Variants in CFAP77 observed in about 807,000 individuals in gnomAD.
CFAP77 encodes cilia and flagella associated protein 77, also known as cilia- and flagella-associated protein 77.
CFAP77 carries 25 observed loss-of-function variants against 31.1 expected under a neutral mutation model. The ratio of observed to expected loss-of-function variants is 0.80; its 90% CI spans 0.59 to 1.12. CFAP77 has a LOEUF of 1.12. CFAP77 is among the 50% of genes most tolerant of loss of function. The pLI, the probability that CFAP77 is intolerant of heterozygous loss-of-function variation, is 0.00. For missense variants in CFAP77, 377 were observed against 397.3 expected (o/e 0.95, Z 0.44); for synonymous variants, 151 against 159.9 (o/e 0.94, Z 0.42).
At chr9:132,512,430 C>A (rs527256964) in intron 3 of CFAP77, among the ~76,000 whole-genome samples, 43 of 152,270 alleles carry the variant, frequency 2.8e-4, no homozygotes, top group African/African-American at 9.4e-4. Context: ...AGGATATGGA[C>A]ACATCTTTTG....
chr9:132,463,183 A>C (rs1851090566), intron 1 of CFAP77, among the ~76,000 whole-genome samples: 1 of 152,224 alleles, frequency 6.6e-6, no homozygotes. Flanking sequence ...CAAGTCAGCC[A>C]ATCTTTGCGA....
Position 132,481,958 on chromosome 9 carries a change from TTGGG to T in CFAP77, c.196-16736_196-16733del, listed in dbSNP as rs1188894202. Among the ~76,000 whole-genome samples the T allele has an allele frequency of 0.048, 1,447 of 29,990 alleles. 16 individuals are homozygous for T. Among genetic ancestry groups the T allele is most frequent in the African/African-American group, 0.14 (1,340 of 9,490 alleles). 19.7% of individuals were successfully genotyped at this position (29,990 alleles called of 152,430 possible). A position where few individuals can be genotyped will look rare whatever the true frequency, so the allele number is the denominator to read the frequency against. ...CTCAGGAAGGAACAAGGGTTTATGGTTGGGGGGGGGGGGGGCGGCGGAACACTGA... is the reference window on the plus strand; with the variant it reads ...CTCAGGAAGGAACAAGGGTTTATGGTGGGGGGGGGGGCGGCGGAACACTGA... On this transcript the variant is annotated intron_variant, in intron 1 of 5. Coordinates refer to ENST00000393216, the MANE Select transcript of CFAP77 (RefSeq NM_001282957.2). This position sits in a 1 kb window ranked among gnomAD's most constrained non-coding sequence, Gnocchi z 5.0.
intron 5 of CFAP77, among the ~76,000 whole-genome samples, chr9:132,570,512 T>C (rs1480608279): frequency 6.6e-6 from 1 of 152,212 alleles, no homozygotes; most frequent in Non-Finnish European, 1.5e-5. Flanking sequence ...AATGCTGCCA[T>C]GGAGGGTCCC....
chr9:132,532,152 T>G (rs908941498), intron 3 of CFAP77, among the ~76,000 whole-genome samples: 1 of 152,208 alleles, frequency 6.6e-6, no homozygotes, highest in Non-Finnish European at 1.5e-5. Flanking sequence ...CAGGCTGCTG[T>G]GTGAAGGACC....
At chr9:132,513,468 C>A in intron 3 of CFAP77, 1 of 1,303,426 alleles carries the variant, frequency 7.7e-7, no homozygotes, top group Non-Finnish European at 1.0e-6. Context: ...TGAGGACCCT[C>A]CCGAGGTTGG....
At chr9:132,493,830 C>CT (rs1255550883) in intron 1 of CFAP77, among the ~76,000 whole-genome samples, 1 of 152,146 alleles carries the variant, frequency 6.6e-6, no homozygotes, top group Non-Finnish European at 1.5e-5. Context: ...CTCAGAGTTT[C>CT]TTTTTTTCTT....
intron 1 of CFAP77, among the ~76,000 whole-genome samples, chr9:132,496,026 G>A (rs911297915): frequency 2.6e-5 from 4 of 152,136 alleles, no homozygotes; most frequent in African/African-American, 9.7e-5. Context: ...AGCTGACTAA[G>A]ACATAGTATT....
chr9:132,466,312 C>T (rs891426368), intron 1 of CFAP77, among the ~76,000 whole-genome samples: 1 of 152,160 alleles, frequency 6.6e-6, no homozygotes, highest in African/African-American at 2.4e-5. Flanking sequence ...ACTCTCACGA[C>T]AGGACCCATC....
Position 132,554,663 on chromosome 9 carries a change from G to A in CFAP77, c.732+11616G>A, listed in dbSNP as rs1391960905. Among the ~76,000 whole-genome samples, 1 of 152,182 alleles carries A rather than the reference G, an allele frequency of 6.6e-6. No individual in the cohort carries two copies. The highest frequency in any genetic ancestry group is 2.4e-5 in the African/African-American group (1 of 41,442). Reference sequence around the variant, plus strand: ...TTAAATACCTTGTTTCACCTTGCGTGCAATCCGCCAGATACCTTCAAATCA... The same window carrying A: ...TTAAATACCTTGTTTCACCTTGCGTACAATCCGCCAGATACCTTCAAATCA... On this transcript the variant is annotated intron_variant, in intron 5 of 5. Coordinates refer to ENST00000393216, the MANE Select transcript of CFAP77 (RefSeq NM_001282957.2). This position sits in a 1 kb window ranked among gnomAD's most constrained non-coding sequence, Gnocchi z 4.1.
intron 3 of CFAP77, among the ~76,000 whole-genome samples, chr9:132,509,337 G>T (rs558139502): frequency 6.6e-6 from 1 of 152,328 alleles, no homozygotes; most frequent in Non-Finnish European, 1.5e-5. Flanking sequence ...GGAGGCACTG[G>T]CTGGCTGCCC....
chr9:132,533,447 G>A (rs962875397), intron 3 of CFAP77, among the ~76,000 whole-genome samples: 10 of 152,188 alleles, frequency 6.6e-5, no homozygotes, highest in Admixed American at 3.3e-4. Context: ...AGCAGGCCCC[G>A]CTCCCTCCCA....
At chr9:132,449,831 A>C (rs1488130786) in intron 1 of CFAP77, among the ~76,000 whole-genome samples, 2 of 152,186 alleles carry the variant, frequency 1.3e-5, no homozygotes, top group Non-Finnish European at 2.9e-5. Context: ...CCCCGTTCTC[A>C]CCAATAGTTG....
At chr9:132,510,330 A>G (rs1229721428) in intron 3 of CFAP77, among the ~76,000 whole-genome samples, 1 of 152,230 alleles carries the variant, frequency 6.6e-6, no homozygotes, top group African/African-American at 2.4e-5. Context: ...CTGGGAGCCA[A>G]CGCTGGAGTC....
chr9:132,540,466 T>C (rs1474063428), intron 4 of CFAP77, among the ~76,000 whole-genome samples: 3 of 152,196 alleles, frequency 2.0e-5, no homozygotes, highest in African/African-American at 4.8e-5. Context: ...GGCCCCACCA[T>C]ACTGTGCCTG....
In CFAP77 at chr9:132,479,969, C is replaced by T. The variant is rs549550880; in HGVS notation, c.196-18726C>T. Among the ~76,000 whole-genome samples the T allele has an allele frequency of 4.6e-5, 7 of 152,246 alleles. No homozygotes were observed. The Middle Eastern group carries it at 0.017, about 370-fold the overall frequency. ...GGCTGGCTCTGAGCTCTCCACTGTG[C>T]GCCTCTGCCTCCCTGAGCAGGAGAA... On this transcript the variant is annotated intron_variant, in intron 1 of 5. Coordinates refer to ENST00000393216, the MANE Select transcript of CFAP77 (RefSeq NM_001282957.2).
intron 3 of CFAP77, among the ~76,000 whole-genome samples, chr9:132,502,741 A>G (rs925943652): frequency 1.3e-5 from 2 of 152,144 alleles, no homozygotes; most frequent in Admixed American, 1.3e-4. Context: ...CCTTCTGGCT[A>G]TTGTGAATAA....
At chr9:132,430,958 G>A (rs898777516) in intron 1 of CFAP77, among the ~76,000 whole-genome samples, 1 of 152,212 alleles carries the variant, frequency 6.6e-6, no homozygotes, top group African/African-American at 2.4e-5. Context: ...TATAGTCAGT[G>A]CTGCACAGCA....
At chr9:132,568,604 A>G (rs1179906160) in intron 5 of CFAP77, among the ~76,000 whole-genome samples, 1 of 152,056 alleles carries the variant, frequency 6.6e-6, no homozygotes, top group African/African-American at 2.4e-5. Flanking sequence ...TGTGCACTTG[A>G]AAATGCTGCT....
chr9:132,424,748 G>C lies in CFAP77; in HGVS notation c.195+14282G>C, dbSNP rs1165673971. On this transcript the variant is annotated intron_variant, in intron 1 of 5. Coordinates refer to ENST00000393216, the MANE Select transcript of CFAP77 (RefSeq NM_001282957.2). This position sits in a 1 kb window ranked among gnomAD's most constrained non-coding sequence, Gnocchi z 4.1. ...GGTTTCCCACGGATGTTGGATTTCA[G>C]GTTATTCCAAACGTGCGCATCTGCC... Among the ~76,000 whole-genome samples the C allele has an allele frequency of 3.3e-5, 5 of 152,314 alleles. No homozygotes were observed. In the South Asian group the frequency reaches 1.0e-3, roughly 32 times the overall value.
Sources: gnomAD v4.1 joint callset for allele counts (sites outside exome capture counted in the v4.1 genomes callset) on GRCh38, gnomAD v4.1.1 for gene constraint, Gnocchi (gnomAD v3.1) non-coding constraint, MANE v1.5 for transcripts, NCBI Gene and HGNC (gene_info 2026-07-23, HGNC 2026-07-21) for gene names.